The following CERS6 variants were observed in gnomAD, a reference collection of about 807,000 sequenced individuals.
CERS6 encodes ceramide synthase 6, also known as LAG1 homolog, ceramide synthase 6.
A neutral mutation model predicts 56.8 loss-of-function variants in CERS6; 26 were observed. The observed-to-expected ratio is 0.46, with a 90% CI of 0.34 to 0.63. CERS6 has a LOEUF of 0.63. CERS6 is among the 30% of genes least tolerant of loss of function. The pLI, the probability that CERS6 is intolerant of heterozygous loss-of-function variation, is 0.01. For missense variants in CERS6, 415 were observed against 467.5 expected (o/e 0.89, Z 1.04); for synonymous variants, 164 against 173.3 (o/e 0.95, Z 0.42).
intron 4 of CERS6, among the ~76,000 whole-genome samples, chr2:168,672,112 TC>T (rs1458877923): frequency 6.6e-6 from 1 of 152,218 alleles, no homozygotes. Flanking sequence ...CTTGCCTGTT[TC>T]CCGTTTAATG....
At chr2:168,552,675 C>A (rs1402261649) in intron 2 of CERS6, among the ~76,000 whole-genome samples, 2 of 152,048 alleles carry the variant, frequency 1.3e-5, no homozygotes, top group African/African-American at 4.8e-5. Flanking sequence ...GCCAGGCTGG[C>A]AAGAGTGGAG....
At chr2:168,545,260 G>A (rs1695445510) in intron 1 of CERS6, among the ~76,000 whole-genome samples, 1 of 152,006 alleles carries the variant, frequency 6.6e-6, no homozygotes, top group Admixed American at 6.5e-5. Flanking sequence ...AATCTCCATA[G>A]CCAGATAGCA....
intron 9 of CERS6, among the ~76,000 whole-genome samples, chr2:168,768,396 AT>A (rs575098081): frequency 0.019 from 2,706 of 143,094 alleles, 60 homozygotes; most frequent in African/African-American, 0.054. Flanking sequence ...CACCCGGCTA[AT>A]TTTTTTTTTT....
chr2:168,674,877 G>A (rs2105343444), intron 4 of CERS6, among the ~76,000 whole-genome samples: 1 of 152,124 alleles, frequency 6.6e-6, no homozygotes, highest in South Asian at 2.1e-4. Flanking sequence ...AATAGCTTTT[G>A]TTTATGTTAT....
chr2:168,492,536 T>G (rs1018582667), intron 1 of CERS6, among the ~76,000 whole-genome samples: 1 of 152,216 alleles, frequency 6.6e-6, no homozygotes, highest in African/African-American at 2.4e-5. Context: ...CTGGATAGAT[T>G]GCAAAAATTT....
chr2:168,742,997 G>A (rs1046345311), intron 8 of CERS6, among the ~76,000 whole-genome samples: 2 of 151,928 alleles, frequency 1.3e-5, no homozygotes, highest in African/African-American at 4.8e-5. Flanking sequence ...TTGGAATTTC[G>A]ATTGCCTTTC....
At chr2:168,667,572 C>T (rs1685795232) in intron 4 of CERS6, among the ~76,000 whole-genome samples, 1 of 152,016 alleles carries the variant, frequency 6.6e-6, no homozygotes. Flanking sequence ...TATTAGGCGG[C>T]TTTTTTTCTA....
intron 4 of CERS6, among the ~76,000 whole-genome samples, chr2:168,646,854 T>C (rs1381896948): frequency 6.6e-6 from 1 of 152,180 alleles, no homozygotes; most frequent in African/African-American, 2.4e-5. Context: ...TGTGTGGCCT[T>C]ATTTCTGGAC....
chr2:168,472,329 G>C (rs1693991847), intron 1 of CERS6, among the ~76,000 whole-genome samples: 1 of 152,168 alleles, frequency 6.6e-6, no homozygotes, highest in Non-Finnish European at 1.5e-5. Flanking sequence ...TCAAGGATCA[G>C]AACATTACTG....
intron 3 of CERS6, among the ~76,000 whole-genome samples, chr2:168,598,301 G>A (rs1434547916): frequency 6.6e-6 from 1 of 152,150 alleles, no homozygotes; most frequent in Non-Finnish European, 1.5e-5. Context: ...ATAAGAGACT[G>A]TAATGACTTG....
Position 168,715,129 on chromosome 2 carries a change from G to A in CERS6, c.738G>A (p.Glu246=). 6.2e-7 allele frequency: 1 copy of A among 1,602,188 alleles called. No individual in the cohort carries two copies. The highest frequency in any genetic ancestry group is 8.5e-7 in the Non-Finnish European group (1 of 1,176,286). Residue 246 remains glutamate, a splice_region_variant and synonymous_variant, in exon 7 of 10, where the codon GAG becomes GAA. Coordinates refer to ENST00000305747, the MANE Select transcript of CERS6 (RefSeq NM_203463.3). The part of the protein sequence containing the change: ...CLHDSADALL[E]AAKMANYAKF... ...ATGATTCAGCTGATGCTCTTCTGGA[G>A]GTAAAAGTTTTCTTTCATCTTTAAG...
intron 1 of CERS6, among the ~76,000 whole-genome samples, chr2:168,492,395 T>C (rs1354199101): frequency 6.6e-6 from 1 of 152,250 alleles, no homozygotes; most frequent in Non-Finnish European, 1.5e-5. Context: ...TTTTCATGTT[T>C]GTTGGCCACA....
At chr2:168,514,367 C>T (rs913439602) in intron 1 of CERS6, among the ~76,000 whole-genome samples, 1 of 152,138 alleles carries the variant, frequency 6.6e-6, no homozygotes, top group Non-Finnish European at 1.5e-5. Context: ...CTTGCTTTTC[C>T]TAGATTTAAT....
At chr2:168,728,728 A>G (rs114409789) in intron 8 of CERS6, among the ~76,000 whole-genome samples, 2 of 151,974 alleles carry the variant, frequency 1.3e-5, no homozygotes, top group Non-Finnish European at 2.9e-5. Flanking sequence ...GTCGCCGGCC[A>G]GTCGCAGTGG....
intron 8 of CERS6, among the ~76,000 whole-genome samples, chr2:168,755,312 A>G (rs769615036): frequency 6.6e-6 from 1 of 152,204 alleles, no homozygotes; most frequent in Non-Finnish European, 1.5e-5. Context: ...AGAAGGAAAT[A>G]TTACTATGGC....
At chr2:168,746,207 A>G (rs1684091808) in intron 8 of CERS6, among the ~76,000 whole-genome samples, 1 of 152,212 alleles carries the variant, frequency 6.6e-6, no homozygotes, top group African/African-American at 2.4e-5. Context: ...AGCACCTTGT[A>G]GAAACACAAA....
intron 1 of CERS6, among the ~76,000 whole-genome samples, chr2:168,544,791 C>T (rs1405419193): frequency 3.9e-5 from 2 of 50,704 alleles, no homozygotes; most frequent in Non-Finnish European, 1.1e-4. Context: ...TGTCAGTGCA[C>T]GTGGTGCTGG....
intron 8 of CERS6, among the ~76,000 whole-genome samples, chr2:168,738,487 C>T (rs1221595500): frequency 4.6e-5 from 7 of 152,180 alleles, no homozygotes; most frequent in Admixed American, 2.0e-4. Context: ...ACAGTGCTTA[C>T]GACTATGGAA....
intron 8 of CERS6, among the ~76,000 whole-genome samples, chr2:168,734,226 GT>G (rs1034424894): frequency 6.6e-6 from 1 of 152,060 alleles, no homozygotes; most frequent in Non-Finnish European, 1.5e-5. Flanking sequence ...TAGACTACTT[GT>G]TTAAAAAGCC....
Sources: gnomAD v4.1 joint callset for allele counts (sites outside exome capture counted in the v4.1 genomes callset) on GRCh38, gnomAD v4.1.1 for gene constraint, MANE v1.5 for transcripts, NCBI Gene and HGNC (gene_info 2026-07-23, HGNC 2026-07-21) for gene names.